Variants in PON3 observed in about 807,000 individuals in gnomAD.
PON3 encodes the protein serum paraoxonase/lactonase 3.
In PON3, 37 loss-of-function variants were observed where a neutral mutation model predicts 36.3. The observed-to-expected ratio is 1.02, with a 90% CI of 0.78 to 1.34. The LOEUF is 1.34. Ranked by LOEUF, PON3 falls within the 40% of genes most tolerant of loss-of-function variation. The pLI, the probability that PON3 is intolerant of heterozygous loss-of-function variation, is 0.00. For synonymous variants in PON3, 155 were observed against 154.8 expected (o/e 1.00, Z -0.01); for missense variants, 415 against 426.5 (o/e 0.97, Z 0.24).
intron 3 of PON3, among the ~76,000 whole-genome samples, chr7:95,375,377 T>C (rs1470762488): frequency 1.3e-5 from 2 of 149,892 alleles, no homozygotes; most frequent in Non-Finnish European, 3.0e-5. Context: ...ATAAAAAATA[T>C]ATAATAATTA....
chr7:95,368,818 A>G (rs1808751871), intron 4 of PON3, among the ~76,000 whole-genome samples: 1 of 150,676 alleles, frequency 6.6e-6, no homozygotes, highest in Non-Finnish European at 1.5e-5. Flanking sequence ...AACAAACAAA[A>G]AAAAAAAAAA....
intron 4 of PON3, among the ~76,000 whole-genome samples, chr7:95,368,990 T>G (rs1387497092): frequency 6.6e-6 from 1 of 152,182 alleles, no homozygotes; most frequent in Non-Finnish European, 1.5e-5. Context: ...TTAAAATTAT[T>G]TAAATAGAGT....
chr7:95,376,852 T>C (rs1250822910), intron 3 of PON3, among the ~76,000 whole-genome samples: 2 of 152,216 alleles, frequency 1.3e-5, no homozygotes, highest in African/African-American at 2.4e-5. Flanking sequence ...AGGTGATTTC[T>C]GCATTTCCGA....
chr7:95,391,119 C>T (rs1809308611), intron 2 of PON3, among the ~76,000 whole-genome samples: 1 of 152,130 alleles, frequency 6.6e-6, no homozygotes, highest in African/African-American at 2.4e-5. Flanking sequence ...CCAGTCATCC[C>T]CTACAGGCAC....
chr7:95,390,626 A>G (rs753809789), intron 2 of PON3, among the ~76,000 whole-genome samples: 9 of 152,198 alleles, frequency 5.9e-5, no homozygotes, highest in Non-Finnish European at 1.2e-4. Context: ...CTCTCTGCCA[A>G]GCATTCCTTC....
intron 3 of PON3, among the ~76,000 whole-genome samples, chr7:95,382,633 C>G (rs1411543585): frequency 6.6e-6 from 1 of 152,150 alleles, no homozygotes; most frequent in African/African-American, 2.4e-5. Context: ...AACACATACA[C>G]CCTCCCAAGA....
chr7:95,371,818 C>T (rs1235734235), intron 4 of PON3, among the ~76,000 whole-genome samples: 1 of 151,646 alleles, frequency 6.6e-6, no homozygotes, highest in African/African-American at 2.4e-5. Flanking sequence ...GTTTTTTTCC[C>T]CCTTATGTTA....
At chr7:95,360,398 T>A (rs1041009324) in intron 8 of PON3, among the ~76,000 whole-genome samples, 3 of 152,174 alleles carry the variant, frequency 2.0e-5, no homozygotes, top group Admixed American at 2.0e-4. Flanking sequence ...CAGAAGGAGT[T>A]AAGATGCTCT....
chr7:95,391,886 A>C (rs1452112814), intron 2 of PON3, among the ~76,000 whole-genome samples: 2 of 152,246 alleles, frequency 1.3e-5, no homozygotes, highest in Non-Finnish European at 2.9e-5. Flanking sequence ...TCCAAAATAA[A>C]AAATGTGTTG....
Position 95,396,290 on chromosome 7 carries a change from A to T in PON3, c.61T>A (p.Phe21Ile). The T allele has an allele frequency of 1.2e-6, 2 of 1,613,966 alleles. No individual in the cohort carries two copies. Among genetic ancestry groups the T allele is most frequent in the South Asian group, 1.1e-5 (1 of 91,076 alleles). Reference protein sequence around the residue: ...GVGLSLVGEMFLAFRERVNAS... With the variant: ...GVGLSLVGEMILAFRERVNAS... ...GATGCCACTCACCTAAACGCCAGGA[A>T]CATCTCCCCGACTAAGGACAGGCCG... The change falls in exon 1 of 9, where the codon TTC becomes ATC. Residue 21 changes from phenylalanine (F) to isoleucine (I), a missense_variant. Coordinates refer to ENST00000265627, the MANE Select transcript of PON3 (RefSeq NM_000940.3).
Position 95,362,320 on chromosome 7 carries a change from T to C in PON3, c.906+42A>G, listed in dbSNP as rs17884000. On this transcript the variant is annotated intron_variant, in intron 8 of 8. Coordinates refer to ENST00000265627, the MANE Select transcript of PON3 (RefSeq NM_000940.3). The stretch of plus-strand genomic sequence containing the variant: ...CCAAGTCACCCCAACAAATTTGTTC[T>C]TGCAGCTTTGCCTGTGAGCTCAGAG... 0.21 allele frequency: 337,748 copies of C among 1,610,854 alleles called. 41,992 individuals carry two copies. The highest frequency in any genetic ancestry group is 0.61 in the East Asian group (27,409 of 44,824).
intron 2 of PON3, among the ~76,000 whole-genome samples, chr7:95,393,585 G>C (rs976720481): frequency 1.3e-5 from 2 of 152,190 alleles, no homozygotes; most frequent in Non-Finnish European, 2.9e-5. Flanking sequence ...TAGTAGGTGA[G>C]ATTAGCCCAT....
At chr7:95,386,677 A>T (rs1809197486) in intron 3 of PON3, among the ~76,000 whole-genome samples, 1 of 152,204 alleles carries the variant, frequency 6.6e-6, no homozygotes, top group Non-Finnish European at 1.5e-5. Flanking sequence ...AGACACAACA[A>T]AAATAGATAA....
chr7:95,367,576 AG>A (rs1808726902), intron 4 of PON3, 88 bp from the exon 5 acceptor site: 10 of 1,450,944 alleles, frequency 6.9e-6, no homozygotes, highest in African/African-American at 1.4e-5. Context: ...CACTTCCAAA[AG>A]TTTTCTTCTT....
chr7:95,370,171 A>G (rs959759679), intron 4 of PON3, among the ~76,000 whole-genome samples: 11 of 152,202 alleles, frequency 7.2e-5, no homozygotes, highest in Admixed American at 3.3e-4. Context: ...GAACAATATG[A>G]AAAATTTGAT....
chr7:95,377,120 T>G (rs746708125), intron 3 of PON3, among the ~76,000 whole-genome samples: 1 of 152,258 alleles, frequency 6.6e-6, no homozygotes, highest in East Asian at 1.9e-4. Flanking sequence ...CGGCGGGTTC[T>G]ACGCCCACAG....
intron 3 of PON3, among the ~76,000 whole-genome samples, chr7:95,374,238 T>A (rs1229458783): frequency 6.6e-6 from 1 of 152,208 alleles, no homozygotes; most frequent in African/African-American, 2.4e-5. Flanking sequence ...TCTGAAAATG[T>A]CATGTCATTT....
intron 4 of PON3, among the ~76,000 whole-genome samples, chr7:95,368,814 CAAAAAAAAA>C (rs11388951): frequency 7.5e-6 from 1 of 133,112 alleles, no homozygotes; most frequent in Non-Finnish European, 1.6e-5. Flanking sequence ...CAAAAACAAA[CAAAAAAAAA>C]AAAAAGAAAG....
intron 7 of PON3, 85 bp from the exon 8 acceptor site, chr7:95,362,575 T>C: frequency 6.3e-7 from 1 of 1,591,412 alleles, no homozygotes; most frequent in South Asian, 1.1e-5. Context: ...CCCTACAGCT[T>C]CTTCTGGCAC....
Sources: gnomAD v4.1 joint callset for allele counts (sites outside exome capture counted in the v4.1 genomes callset) on GRCh38, gnomAD v4.1.1 for gene constraint, MANE v1.5 for transcripts, NCBI Gene and HGNC (gene_info 2026-07-23, HGNC 2026-07-21) for gene names.